CFAP210: variants seen among roughly 807,000 people sequenced by gnomAD.
CFAP210 encodes the protein cilia- and flagella- associated protein 210.
chr2:169,676,725 T>A, the CFAP210 span, among the ~76,000 whole-genome samples: 4 of 152,100 alleles, frequency 2.6e-5, no homozygotes, highest in Non-Finnish European at 5.9e-5. Flanking sequence ...GTACTATAAG[T>A]TTTCTATGTC....
chr2:169,683,765 T>C, the CFAP210 span, among the ~76,000 whole-genome samples: 1 of 152,176 alleles, frequency 6.6e-6, no homozygotes, highest in South Asian at 2.1e-4. Context: ...GAGTTAACTG[T>C]TCACAGGATG....
chr2:169,692,150 G>A, the CFAP210 span, among the ~76,000 whole-genome samples: 1 of 152,012 alleles, frequency 6.6e-6, no homozygotes, highest in Non-Finnish European at 1.5e-5. Flanking sequence ...AATATGTCAG[G>A]AGCTTTCCAA....
the CFAP210 span, among the ~76,000 whole-genome samples, chr2:169,687,017 C>T: frequency 3.5e-4 from 53 of 152,172 alleles, no homozygotes; most frequent in Middle Eastern, 3.4e-3. Flanking sequence ...CAACAGAAAA[C>T]GAGGAAGAAG....
the CFAP210 span, among the ~76,000 whole-genome samples, chr2:169,676,814 A>C: frequency 6.6e-6 from 1 of 152,216 alleles, no homozygotes; most frequent in Non-Finnish European, 1.5e-5. Context: ...AACAAGTGAG[A>C]ACTCTCCAGA....
the CFAP210 span, among the ~76,000 whole-genome samples, chr2:169,691,817 C>T: frequency 6.6e-6 from 1 of 152,138 alleles, no homozygotes; most frequent in South Asian, 2.1e-4. Flanking sequence ...CTTCTCTGAA[C>T]CAATTCTGTA....
the CFAP210 span, among the ~76,000 whole-genome samples, chr2:169,665,250 C>T: frequency 2.0e-5 from 3 of 152,196 alleles, no homozygotes; most frequent in Non-Finnish European, 2.9e-5. Flanking sequence ...ACTGAGTTCT[C>T]TCTCTCTATT....
chr2:169,646,109 A>G, the CFAP210 span: 2 of 1,613,966 alleles, frequency 1.2e-6, no homozygotes, highest in Admixed American at 3.3e-5. Flanking sequence ...CTTTTCAGCC[A>G]CAAGAGCTTC....
the CFAP210 span, among the ~76,000 whole-genome samples, chr2:169,674,342 T>C: frequency 6.6e-6 from 1 of 152,138 alleles, no homozygotes; most frequent in African/African-American, 2.4e-5. Context: ...GAAGTAAACA[T>C]GTTTTTTTTG....
At chr2:169,688,374 T>C in the CFAP210 span, among the ~76,000 whole-genome samples, 1 of 152,244 alleles carries the variant, frequency 6.6e-6, no homozygotes, top group Non-Finnish European at 1.5e-5. Flanking sequence ...TGAAACTGAA[T>C]GCTCTTAACA....
the CFAP210 span, among the ~76,000 whole-genome samples, chr2:169,668,074 A>G: frequency 6.6e-6 from 1 of 152,218 alleles, no homozygotes; most frequent in African/African-American, 2.4e-5. Context: ...TCTGTTGTTT[A>G]GTGTGGCCAC....
chr2:169,691,401 T>A, the CFAP210 span, among the ~76,000 whole-genome samples: 6 of 152,350 alleles, frequency 3.9e-5, no homozygotes, highest in South Asian at 1.2e-3. Flanking sequence ...AAAGTTTGTA[T>A]CTAGTAAATC....
the CFAP210 span, among the ~76,000 whole-genome samples, chr2:169,672,298 T>C: frequency 1.3e-5 from 2 of 152,208 alleles, no homozygotes; most frequent in African/African-American, 4.8e-5. Flanking sequence ...GCAACCCAGG[T>C]TCACATGTTG....
the CFAP210 span, among the ~76,000 whole-genome samples, chr2:169,693,188 A>G: frequency 0.018 from 2,733 of 152,294 alleles, 34 homozygotes; most frequent in Non-Finnish European, 0.023. Flanking sequence ...ACATCTCTGA[A>G]CCTCTCTCCA....
At chr2:169,693,926 T>G in the CFAP210 span, among the ~76,000 whole-genome samples, 1 of 152,004 alleles carries the variant, frequency 6.6e-6, no homozygotes, top group Non-Finnish European at 1.5e-5. Context: ...GCGGGAAATT[T>G]AACAAAACCC....
At chr2:169,650,079 T>C in the CFAP210 span, among the ~76,000 whole-genome samples, 1 of 152,228 alleles carries the variant, frequency 6.6e-6, no homozygotes, top group Non-Finnish European at 1.5e-5. Flanking sequence ...CAAATAACCT[T>C]TGCGTTTCAG....
chr2:169,690,489 C>T, the CFAP210 span, among the ~76,000 whole-genome samples: 1 of 151,818 alleles, frequency 6.6e-6, no homozygotes, highest in African/African-American at 2.4e-5. Context: ...ATGGCGAAAC[C>T]CCATCTCTAC....
chr2:169,653,809 C>G, the CFAP210 span, among the ~76,000 whole-genome samples: 2 of 152,158 alleles, frequency 1.3e-5, no homozygotes, highest in East Asian at 3.9e-4. Context: ...GTGAGCTCAT[C>G]TGTATCGACA....
At chr2:169,653,015 AAAAAAAAAAAAAAAATATATATAT>A in the CFAP210 span, among the ~76,000 whole-genome samples, 1 of 59,288 alleles carries the variant, frequency 1.7e-5, no homozygotes, top group East Asian at 3.5e-4. Flanking sequence ...AAAAAAAAAA[AAAAAAAAAAAAAAAATATATATAT>A]ATATATATAT....
chr2:169,688,887 C>T, the CFAP210 span, among the ~76,000 whole-genome samples: 1,031 of 152,334 alleles, frequency 6.8e-3, 6 homozygotes, highest in African/African-American at 0.023. Context: ...ATGCCCCACT[C>T]TGCTGGTACC....
Sources: allele counts gnomAD v4.1 joint callset (sites outside exome capture counted in the v4.1 genomes callset), GRCh38; gene constraint gnomAD v4.1.1; transcripts MANE v1.5; gene names NCBI Gene and HGNC (gene_info 2026-07-23, HGNC 2026-07-21).